The following USP15 variants were observed in gnomAD, a reference collection of about 807,000 sequenced individuals.
USP15 encodes the protein ubiquitin specific peptidase 15, also known as ubiquitin carboxyl-terminal hydrolase 15.
USP15 carries 18 observed loss-of-function variants against 127.1 expected under a neutral mutation model. The ratio of observed to expected loss-of-function variants is 0.14; its 90% CI spans 0.10 to 0.21. The LOEUF (loss-of-function observed/expected upper bound fraction) is 0.21, where lower values mean the gene tolerates loss of function less well. Ranked by LOEUF, USP15 falls within the 10% of genes least tolerant of loss-of-function variation. The pLI, the probability that USP15 is intolerant of heterozygous loss-of-function variation, is 1.00. For missense variants in USP15, 805 were observed against 1,159.9 expected (o/e 0.69, Z 4.44); for synonymous variants, 364 against 393.7 (o/e 0.92, Z 0.89).
At chr12:62,301,197 A>C (rs1219853724) in intron 2 of USP15, among the ~76,000 whole-genome samples, 3 of 152,164 alleles carry the variant, frequency 2.0e-5, no homozygotes, top group Non-Finnish European at 4.4e-5. Flanking sequence ...AAGTGTTGGC[A>C]AGATTGTAGA....
intron 6 of USP15, chr12:62,334,343 C>T (rs956798709): frequency 6.6e-6 from 1 of 152,028 alleles, no homozygotes; most frequent in Non-Finnish European, 1.5e-5. Flanking sequence ...ATTGTAATTT[C>T]ATTTATTTAA....
Position 62,260,474 on chromosome 12 carries a change from C to T in USP15, c.60C>T (p.Leu20=). 6.4e-7 allele frequency: 1 copy of T among 1,551,818 alleles called. No individual in the cohort carries two copies. The highest frequency in any genetic ancestry group is 8.7e-7 in the Non-Finnish European group (1 of 1,147,430). The stretch of plus-strand genomic sequence containing the variant: ...AGCGGTCTGACATCGCGACGCTGCT[C>T]AAAACCTCGCTCCGGAAAGGGGACA... ...DTQRSDIATL[L]KTSLRKGDTW... Residue 20 remains leucine (L), a synonymous_variant, in exon 1 of 22, where the codon CTC becomes CTT. Coordinates refer to ENST00000280377, the MANE Select transcript of USP15 (RefSeq NM_001252078.2).
At chr12:62,302,714 C>A (rs2064353318) in intron 2 of USP15, 76 bp from the exon 3 acceptor site, 1 of 1,453,164 alleles carries the variant, frequency 6.9e-7, no homozygotes, top group Non-Finnish European at 9.3e-7. Context: ...TTAAATTAGC[C>A]TTCATGAGTT....
intron 8 of USP15, among the ~76,000 whole-genome samples, chr12:62,380,781 T>G (rs2066969195): frequency 6.6e-6 from 1 of 152,050 alleles, no homozygotes; most frequent in Non-Finnish European, 1.5e-5. Flanking sequence ...TGTTGAAAAA[T>G]TGTACGTCTG....
intron 1 of USP15, among the ~76,000 whole-genome samples, chr12:62,273,814 A>G (rs2063406016): frequency 6.6e-6 from 1 of 152,068 alleles, no homozygotes; most frequent in Non-Finnish European, 1.5e-5. Context: ...TGATAGTCAA[A>G]GCTCTAACCC....
At chr12:62,395,608 T>C (rs1307618935) in intron 19 of USP15, among the ~76,000 whole-genome samples, 1 of 151,860 alleles carries the variant, frequency 6.6e-6, no homozygotes, top group Non-Finnish European at 1.5e-5. Context: ...TTTTTTTTTT[T>C]AACCCGTTAA....
intron 1 of USP15, among the ~76,000 whole-genome samples, chr12:62,270,041 T>C (rs1490202594): frequency 1.3e-5 from 2 of 152,044 alleles, no homozygotes; most frequent in South Asian, 2.1e-4. Context: ...TCAGCACTTA[T>C]GTTCTTTTTT....
rs549927051 is a variant in USP15 at position 62,266,507 on chromosome 12, ACAGT to A, written c.89+6007_89+6010del. 6.7e-3 allele frequency among the ~76,000 whole-genome samples: 1,022 copies of A among 152,300 alleles called. 6 individuals are homozygous for A. The highest frequency in any genetic ancestry group is 0.018 in the South Asian group (89 of 4,828). ...TAGTGGAAGATACAATGATAATAAA[ACAGT>A]CAATTTTGCTATCTTAGTCTTGAAT... On this transcript the variant is annotated intron_variant, in intron 1 of 21. Transcript: ENST00000280377.
intron 2 of USP15, among the ~76,000 whole-genome samples, chr12:62,299,361 T>G (rs1196797003): frequency 6.6e-6 from 1 of 152,186 alleles, no homozygotes; most frequent in Non-Finnish European, 1.5e-5. Flanking sequence ...TCCATCCGCC[T>G]CAGTCCCCCA....
intron 6 of USP15, among the ~76,000 whole-genome samples, chr12:62,342,134 G>A (rs1286631459): frequency 6.6e-6 from 1 of 151,636 alleles, no homozygotes; most frequent in East Asian, 1.9e-4. Flanking sequence ...CTCTAATCTT[G>A]TCTTCACACC....
chr12:62,398,875 G>A (rs1171338351), intron 20 of USP15, among the ~76,000 whole-genome samples: 1 of 152,176 alleles, frequency 6.6e-6, no homozygotes, highest in African/African-American at 2.4e-5. Flanking sequence ...CTACTAAAGT[G>A]TTGATTGACC....
intron 21 of USP15, among the ~76,000 whole-genome samples, chr12:62,403,644 C>T (rs1317042777): frequency 6.6e-6 from 1 of 151,890 alleles, no homozygotes; most frequent in Non-Finnish European, 1.5e-5. Context: ...AGGTATATGG[C>T]AGCTAGAAGG....
chr12:62,414,557 GAAGTCTTGAACTC>G lies in USP15; in HGVS notation c.*10184_*10196del, dbSNP rs1325316676. On this transcript the variant is annotated 3_prime_UTR_variant, in exon 22 of 22. Transcript: ENST00000280377. ...TCACCATGTTACCCAGGCTGGTTTT[GAAGTCTTGAACTC>G]AGGCGATCCATCCACCTCGGCCTCC... is the stretch of plus-strand genomic sequence containing the variant. 6.6e-6 allele frequency: 1 copy of G among 152,262 alleles called. No homozygotes were observed. The highest frequency in any genetic ancestry group is 2.4e-5 in the African/African-American group (1 of 41,452). 9.4% of individuals were successfully genotyped at this position (152,262 alleles called of 1,614,324 possible).
At chr12:62,351,776 C>CA (rs1401709654) in intron 7 of USP15, among the ~76,000 whole-genome samples, 2 of 151,878 alleles carry the variant, frequency 1.3e-5, no homozygotes, top group Non-Finnish European at 2.9e-5. Flanking sequence ...AGCGAATAGT[C>CA]ACTGAGGTAC....
At chr12:62,402,304 T>A (rs2067717983) in intron 21 of USP15, among the ~76,000 whole-genome samples, 1 of 152,010 alleles carries the variant, frequency 6.6e-6, no homozygotes, top group East Asian at 1.9e-4. Context: ...AAGATAGCTG[T>A]CACTCAGTCC....
intron 3 of USP15, among the ~76,000 whole-genome samples, chr12:62,312,022 T>G (rs1299717699): frequency 3.3e-5 from 5 of 151,832 alleles, no homozygotes; most frequent in Admixed American, 1.3e-4. Context: ...AGGATTTGTT[T>G]CTTACACATT....
chr12:62,306,828 G>A (rs1310650487), intron 3 of USP15, among the ~76,000 whole-genome samples: 1 of 152,166 alleles, frequency 6.6e-6, no homozygotes, highest in Non-Finnish European at 1.5e-5. Context: ...AGCCAAGGGT[G>A]TGACTGTAAG....
At chr12:62,266,834 G>A (rs927747140) in intron 1 of USP15, among the ~76,000 whole-genome samples, 2 of 151,972 alleles carry the variant, frequency 1.3e-5, no homozygotes, top group African/African-American at 2.4e-5. Flanking sequence ...TTAGTCTGTC[G>A]CAGCCACTAT....
At chr12:62,322,128 T>C (rs2065002853) in intron 5 of USP15, among the ~76,000 whole-genome samples, 1 of 152,176 alleles carries the variant, frequency 6.6e-6, no homozygotes, top group Admixed American at 6.6e-5. Context: ...CCAATTTGGC[T>C]TTTTTGTTTG....
Sources: gnomAD v4.1 joint callset for allele counts (sites outside exome capture counted in the v4.1 genomes callset) on GRCh38, gnomAD v4.1.1 for gene constraint, MANE v1.5 for transcripts, NCBI Gene and HGNC (gene_info 2026-07-23, HGNC 2026-07-21) for gene names.